Variants in BBS2 observed in about 807,000 individuals in gnomAD.
The protein encoded by BBS2 is Bardet-Biedl syndrome 2, also known as BBSome complex member BBS2.
In BBS2, 62 loss-of-function variants were observed where a neutral mutation model predicts 83.0. The ratio of observed to expected loss-of-function variants is 0.75; its 90% CI spans 0.61 to 0.92. The LOEUF (loss-of-function observed/expected upper bound fraction) is 0.92. Ranked by LOEUF, BBS2 falls within the 40% of genes least tolerant of loss-of-function variation. The pLI is 0.00. For synonymous variants in BBS2, 303 were observed against 326.1 expected, an observed-to-expected ratio of 0.93 and a Z score of 0.76; for missense variants, 784 against 901.0, an observed-to-expected ratio of 0.87 and a Z score of 1.66.
At chr16:56,504,344 C>CAAA (rs763542731) in intron 7 of BBS2, among the ~76,000 whole-genome samples, 4 of 152,182 alleles carry the variant, frequency 2.6e-5, no homozygotes, top group Non-Finnish European at 5.9e-5. Flanking sequence ...AATAAGAAGG[C>CAAA]TCATTTGCTA....
At chr16:56,470,876 C>T (rs1035996907) in intron 17 of BBS2, 21 of 1,318,502 alleles carry the variant, frequency 1.6e-5, no homozygotes, top group Non-Finnish European at 2.2e-5. Flanking sequence ...ATTTATTGAG[C>T]ATCTACTGTG....
intron 17 of BBS2, among the ~76,000 whole-genome samples, chr16:56,473,078 A>G (rs747310684): frequency 1.3e-5 from 2 of 152,052 alleles, no homozygotes; most frequent in African/African-American, 4.8e-5. Flanking sequence ...CTACAGGCGC[A>G]TGCCACCACG....
chr16:56,473,112 A>G (rs1334149179), intron 17 of BBS2, among the ~76,000 whole-genome samples: 1 of 152,090 alleles, frequency 6.6e-6, no homozygotes, highest in Admixed American at 6.5e-5. Context: ...TTGTATTTTT[A>G]GTAGAGACGG....
chr16:56,511,756 G>C (rs757912242), intron 2 of BBS2, among the ~76,000 whole-genome samples: 1 of 152,120 alleles, frequency 6.6e-6, no homozygotes, highest in African/African-American at 2.4e-5. Context: ...GACTAATACA[G>C]TCCTAAACTC....
At chr16:56,483,837 T>C (rs535228659), downstream of BBS2, among the ~76,000 whole-genome samples, 99 of 148,572 alleles carry the variant, frequency 6.7e-4, no homozygotes, top group Admixed American at 2.0e-4. Context: ...ATAGCTGGGA[T>C]TGTAGGTGTC....
chr16:56,519,611 A>G, intron 1 of BBS2, 135 bp downstream of exon 1: 1 of 690,940 alleles, frequency 1.4e-6, no homozygotes. Flanking sequence ...TGGAGCCACA[A>G]GGTGCTCGCC....
intron 2 of BBS2, among the ~76,000 whole-genome samples, 165 bp downstream of exon 2, chr16:56,514,288 C>T (rs766087745): frequency 1.3e-5 from 2 of 152,066 alleles, no homozygotes; most frequent in Admixed American, 6.5e-5. Flanking sequence ...AAATAAGTTC[C>T]GAGTACATAA....
chr16:56,506,668 T>C (rs1252467567), intron 5 of BBS2, among the ~76,000 whole-genome samples: 1 of 152,216 alleles, frequency 6.6e-6, no homozygotes, highest in African/African-American at 2.4e-5. Flanking sequence ...CACAATTGAA[T>C]ATCTTACTTC....
chr16:56,495,862 C>A (rs1964101996), intron 15 of BBS2, among the ~76,000 whole-genome samples: 1 of 151,080 alleles, frequency 6.6e-6, no homozygotes, highest in African/African-American at 2.4e-5. Context: ...TAGAATTACA[C>A]AATGTCCAAA....
rs537110110 is a variant in BBS2 at position 56,501,756 on chromosome 16, T to C, written c.1081-259A>G. The stretch of plus-strand genomic sequence containing the variant: ...CATCATGACTTTAACATTTTTGAAG[T>C]ATTGTTCTTTTAAAGTAAGCAAACA... On this transcript the variant is annotated intron_variant, in intron 9 of 16. Transcript: ENST00000245157. 114 of 502,862 alleles carry C rather than the reference T, an allele frequency of 2.3e-4. 1 individual carries two copies. The South Asian group carries it at 2.5e-3, about 11-fold the overall frequency. The allele number at this position is 502,862 out of a possible 1,614,324, so 31.2% of individuals were successfully genotyped here. A position where few individuals can be genotyped will look rare whatever the true frequency, so the allele number is the denominator to read the frequency against.
intron 15 of BBS2, among the ~76,000 whole-genome samples, chr16:56,487,375 A>ATAGT (rs537776877): frequency 6.6e-6 from 1 of 152,200 alleles, no homozygotes. Flanking sequence ...AAACTATAAG[A>ATAGT]TAGTTAGTAA....
chr16:56,487,731 G>A (rs1483300238), intron 15 of BBS2, among the ~76,000 whole-genome samples: 4 of 152,040 alleles, frequency 2.6e-5, no homozygotes, highest in Admixed American at 6.6e-5. Flanking sequence ...TTTTTGTTAC[G>A]GAGCTACAAA....
intron 15 of BBS2, among the ~76,000 whole-genome samples, chr16:56,488,078 A>C (rs1207293838): frequency 6.6e-6 from 1 of 152,214 alleles, no homozygotes; most frequent in Non-Finnish European, 1.5e-5. Context: ...TTAAGATGGT[A>C]AATTTCACAT....
chr16:56,499,765 G>A lies in BBS2; in HGVS notation c.1527+13C>T, dbSNP rs756219595. On this transcript the variant is annotated intron_variant, in intron 12 of 16. Transcript: ENST00000245157. ...TGTGTAAAAGCATTGAAAGAGAAAA[G>A]CGAGATACTCACCCTCTGTGCCCGT... The A allele has an allele frequency of 2.1e-5, 34 of 1,613,956 alleles. 1 individual carries two copies. The South Asian group carries it at 3.6e-4, about 17-fold the overall frequency.
At chr16:56,516,451 C>T (rs1964752104) in intron 1 of BBS2, among the ~76,000 whole-genome samples, 1 of 152,196 alleles carries the variant, frequency 6.6e-6, no homozygotes, top group Non-Finnish European at 1.5e-5. Flanking sequence ...GGCTGGAGTA[C>T]AGTGGTGCAA....
intron 13 of BBS2, among the ~76,000 whole-genome samples, 199 bp from the exon 14 acceptor site, chr16:56,498,079 T>C (rs1260835312): frequency 6.6e-6 from 1 of 152,148 alleles, no homozygotes; most frequent in African/African-American, 2.4e-5. Flanking sequence ...GTAAATCCTC[T>C]GGCCTTAGAA....
At chr16:56,518,522 C>A (rs984708636) in intron 1 of BBS2, among the ~76,000 whole-genome samples, 1 of 152,192 alleles carries the variant, frequency 6.6e-6, no homozygotes, top group African/African-American at 2.4e-5. Flanking sequence ...CATGACCCCA[C>A]GTATTAGGTA....
chr16:56,506,016 G>T lies in BBS2; in HGVS notation c.738C>A (p.Ser246Arg). 1 of 1,613,958 alleles carries T rather than the reference G, an allele frequency of 6.2e-7. No homozygotes were observed. Among genetic ancestry groups the T allele is most frequent in the Non-Finnish European group, 8.5e-7 (1 of 1,179,878 alleles). ...CAGAATTAAGGTCAAAAGCATGAAT[G>T]CTCATGGCATGATTTTTCGACTGAA... ...WRIKSKNHAM[S>R]IHAFDLNSDG... Residue 246 changes from serine to arginine, a missense_variant, in exon 7 of 17, where the codon AGC becomes AGA. Physicochemically the swap from Ser to Arg is moderately radical, Grantham distance 110 (BLOSUM62 -1). Coordinates refer to ENST00000245157, the MANE Select transcript of BBS2 (RefSeq NM_031885.5).
chr16:56,518,823 T>C (rs140326182), intron 1 of BBS2, among the ~76,000 whole-genome samples: 32 of 152,356 alleles, frequency 2.1e-4, no homozygotes, highest in Non-Finnish European at 4.6e-4. Flanking sequence ...CCAAAATCTA[T>C]ACAGAAGGTG....
Sources: allele counts gnomAD v4.1 joint callset (sites outside exome capture counted in the v4.1 genomes callset), GRCh38; gene constraint gnomAD v4.1.1; transcripts MANE v1.5; gene names NCBI Gene and HGNC (gene_info 2026-07-23, HGNC 2026-07-21).